ZFHX3: variants seen among roughly 807,000 people sequenced by gnomAD.
ZFHX3 encodes zinc finger homeobox 3.
Under a neutral mutation model 279.1 loss-of-function variants are expected in ZFHX3, and 42 were observed. The ratio of observed to expected loss-of-function variants is 0.15; its 90% confidence interval spans 0.12 to 0.19. ZFHX3 has a LOEUF of 0.19. ZFHX3 is among the 10% of genes least tolerant of loss of function. The pLI is 1.00. For missense variants in ZFHX3, 4,981 were observed against 4,754.0 expected (o/e 1.05, Z -1.40); for synonymous variants, 2,293 against 1,957.8 (o/e 1.17, Z -4.52).
At chr16:72,854,096 A>G (rs1489708752) in intron 4 of ZFHX3, among the ~76,000 whole-genome samples, 2 of 152,248 alleles carry the variant, frequency 1.3e-5, no homozygotes, top group Admixed American at 6.5e-5. Context: ...AATCTGTCCC[A>G]TGAGGAGAGC....
intron 5 of ZFHX3, among the ~76,000 whole-genome samples, chr16:73,226,737 A>AT (rs1021300685): frequency 3.3e-5 from 5 of 152,120 alleles, no homozygotes; most frequent in South Asian, 2.1e-4. Context: ...AATCTTACAT[A>AT]TTTTTTTCTC....
chr16:73,350,534 G>C (rs889741852), intron 3 of ZFHX3, among the ~76,000 whole-genome samples: 1 of 152,160 alleles, frequency 6.6e-6, no homozygotes, highest in African/African-American at 2.4e-5. Flanking sequence ...GTGTCTCCTG[G>C]ACACCCTACA....
chr16:73,744,866 A>T (rs1269734158), intron 1 of ZFHX3, among the ~76,000 whole-genome samples: 1 of 152,224 alleles, frequency 6.6e-6, no homozygotes, highest in African/African-American at 2.4e-5. Context: ...CAGGAACCCA[A>T]TTTTTCAAGA....
At chr16:73,635,112 G>A (rs2052515637) in intron 2 of ZFHX3, among the ~76,000 whole-genome samples, 1 of 152,140 alleles carries the variant, frequency 6.6e-6, no homozygotes. Flanking sequence ...AGAGGTAGAG[G>A]AGAAAACTCA....
chr16:73,435,751 C>A (rs914623807), intron 3 of ZFHX3, among the ~76,000 whole-genome samples: 3 of 152,224 alleles, frequency 2.0e-5, no homozygotes, highest in African/African-American at 7.2e-5. Flanking sequence ...CACTCAAGTT[C>A]TCCCCTGTTC....
At chr16:73,833,070 G>C (rs1961041542) in intron 1 of ZFHX3, among the ~76,000 whole-genome samples, 1 of 152,274 alleles carries the variant, frequency 6.6e-6, no homozygotes, top group Middle Eastern at 3.4e-3. Context: ...TTTTACATAG[G>C]CTTCTAGCAA....
chr16:73,586,457 A>G (rs2051928001), intron 2 of ZFHX3, among the ~76,000 whole-genome samples: 1 of 150,162 alleles, frequency 6.7e-6, no homozygotes, highest in Non-Finnish European at 1.5e-5. Flanking sequence ...GGAGGTAAAA[A>G]AAAAAAACCA....
In ZFHX3 at chr16:72,785,675, C is replaced by T. The variant is rs934631545; in HGVS notation, c.*1489G>A. 6.6e-6 allele frequency: 1 copy of T among 150,622 alleles called. No homozygotes were observed. The highest frequency in any genetic ancestry group is 2.4e-5 in the African/African-American group (1 of 40,950). 9.3% of individuals were successfully genotyped at this position (150,622 alleles called of 1,614,324 possible). On this transcript the variant is annotated 3_prime_UTR_variant, in exon 10 of 10. Coordinates refer to ENST00000268489, the MANE Select transcript of ZFHX3 (RefSeq NM_006885.4). ...GAGGAAAGAAAAAACAAACACAAAA[C>T]CAAAAACCAAATCCCTAACCAAAAA... is the stretch of plus-strand genomic sequence containing the variant.
intron 3 of ZFHX3, among the ~76,000 whole-genome samples, chr16:73,427,387 T>C (rs2017827575): frequency 6.6e-6 from 1 of 152,338 alleles, no homozygotes; most frequent in Non-Finnish European, 1.5e-5. Context: ...TCACTGCCTC[T>C]GGCTTTTGTC....
intron 1 of ZFHX3, among the ~76,000 whole-genome samples, chr16:73,791,797 G>A (rs2142315226): frequency 6.6e-6 from 1 of 152,266 alleles, no homozygotes; most frequent in South Asian, 2.1e-4. Context: ...GCAAACCACT[G>A]GTTTAGAACT....
intron 1 of ZFHX3, among the ~76,000 whole-genome samples, chr16:73,830,231 C>T (rs1431087848): frequency 7.1e-6 from 1 of 140,414 alleles, no homozygotes; most frequent in Non-Finnish European, 1.5e-5. Context: ...CTTGCGCTTC[C>T]CAGGTGAGGC....
At chr16:73,657,061 C>T (rs2052728657) in intron 2 of ZFHX3, among the ~76,000 whole-genome samples, 1 of 152,180 alleles carries the variant, frequency 6.6e-6, no homozygotes. Flanking sequence ...TTTTCCTTTG[C>T]TTATTAGCAT....
At chr16:73,763,285 G>T (rs909005763) in intron 1 of ZFHX3, among the ~76,000 whole-genome samples, 2 of 152,182 alleles carry the variant, frequency 1.3e-5, no homozygotes, top group African/African-American at 4.8e-5. Flanking sequence ...TAAAAGTCTG[G>T]CACACTCACA....
chr16:73,592,114 C>T (rs940134219), intron 2 of ZFHX3, among the ~76,000 whole-genome samples: 7 of 152,026 alleles, frequency 4.6e-5, no homozygotes, highest in Non-Finnish European at 1.0e-4. Context: ...TGCCTGTAAT[C>T]CCAGCTACTG....
chr16:73,228,105 G>A (rs563512625), intron 5 of ZFHX3, among the ~76,000 whole-genome samples: 1 of 152,240 alleles, frequency 6.6e-6, no homozygotes, highest in African/African-American at 2.4e-5. Context: ...AAGCCAGGCA[G>A]TCTGGCTCCT....
At chr16:72,928,992 C>T (rs941296644) in intron 3 of ZFHX3, among the ~76,000 whole-genome samples, 4 of 152,050 alleles carry the variant, frequency 2.6e-5, no homozygotes, top group African/African-American at 9.7e-5. Flanking sequence ...AACCCCAGCA[C>T]TTTGGGAGGC....
chr16:73,817,638 C>T (rs1960611953), intron 1 of ZFHX3, among the ~76,000 whole-genome samples: 1 of 152,214 alleles, frequency 6.6e-6, no homozygotes, highest in African/African-American at 2.4e-5. Context: ...TGCAAACAAA[C>T]AGGCCTGGTG....
chr16:73,684,808 C>T (rs1340773449), intron 1 of ZFHX3, among the ~76,000 whole-genome samples: 1 of 150,364 alleles, frequency 6.7e-6, no homozygotes, highest in African/African-American at 2.5e-5. Flanking sequence ...TCAAGCAATT[C>T]TCCTGCTTCA....
chr16:73,078,561 C>A (rs1965910443), intron 8 of ZFHX3, among the ~76,000 whole-genome samples: 1 of 152,160 alleles, frequency 6.6e-6, no homozygotes, highest in Non-Finnish European at 1.5e-5. Flanking sequence ...GTCTACCATG[C>A]CAATTCCTAG....
Sources: gnomAD v4.1 joint callset for allele counts (sites outside exome capture counted in the v4.1 genomes callset) on GRCh38, gnomAD v4.1.1 for gene constraint, MANE v1.5 for transcripts, NCBI Gene and HGNC (gene_info 2026-07-23, HGNC 2026-07-21) for gene names.